Variants in MACROD2 observed in about 807,000 individuals in gnomAD.
The protein encoded by MACROD2 is mono-ADP ribosylhydrolase 2, also known as ADP-ribose glycohydrolase MACROD2.
In MACROD2, 36 loss-of-function variants were observed where a neutral mutation model predicts 70.4. The ratio of observed to expected loss-of-function variants is 0.51; its 90% CI spans 0.39 to 0.68. The LOEUF is 0.68. MACROD2 is among the 30% of genes least tolerant of loss of function. The pLI is 0.00. For missense variants in MACROD2, 496 were observed against 538.4 expected (o/e 0.92, Z 0.78); for synonymous variants, 172 against 178.8 (o/e 0.96, Z 0.30).
chr20:14,316,275 T>G (rs1298484352), intron 3 of MACROD2, among the ~76,000 whole-genome samples: 2 of 152,226 alleles, frequency 1.3e-5, no homozygotes, highest in African/African-American at 4.8e-5. Flanking sequence ...CAAGTCATCA[T>G]TCAGCATCAT....
intron 6 of MACROD2, among the ~76,000 whole-genome samples, chr20:15,282,964 T>C (rs1391315896): frequency 6.6e-6 from 1 of 152,168 alleles, no homozygotes; most frequent in Non-Finnish European, 1.5e-5. Context: ...TCAGGAAACT[T>C]ACAATCATGG....
intron 3 of MACROD2, among the ~76,000 whole-genome samples, chr20:14,218,583 T>C (rs543404300): frequency 6.6e-6 from 1 of 152,332 alleles, no homozygotes; most frequent in South Asian, 2.1e-4. Context: ...GGTTTTTTGT[T>C]TTTTTGTGTG....
At position 14,556,890 on chromosome 20, in the gene MACROD2, A is replaced by G. The variant is rs571534132; in HGVS notation, c.301+63382A>G. Reference sequence around the variant, plus strand: ...TTATTACTTTAAATTTAAATGATCTATGGAAATGCAAGGGACCCAGGATAG... The same window carrying G: ...TTATTACTTTAAATTTAAATGATCTGTGGAAATGCAAGGGACCCAGGATAG... On this transcript the variant is annotated intron_variant, in intron 4 of 17. Coordinates refer to ENST00000684519, the MANE Select transcript of MACROD2 (RefSeq NM_001351661.2). Among the ~76,000 whole-genome samples the G allele has an allele frequency of 5.9e-5, 9 of 152,116 alleles. No homozygotes were observed. In the South Asian group the frequency reaches 1.9e-3, roughly 31 times the overall value.
At chr20:15,687,318 G>A (rs1396294494) in intron 8 of MACROD2, among the ~76,000 whole-genome samples, 2 of 150,004 alleles carry the variant, frequency 1.3e-5, no homozygotes, top group East Asian at 1.9e-4. Context: ...TATATATATC[G>A]CATAGTGCTG....
At chr20:15,740,118 G>T (rs191731209) in intron 8 of MACROD2, among the ~76,000 whole-genome samples, 24 of 152,286 alleles carry the variant, frequency 1.6e-4, no homozygotes, top group Admixed American at 1.5e-3. Context: ...GCTATGACCA[G>T]CTGTCAGACA....
chr20:15,757,600 A>G (rs1331821176), intron 8 of MACROD2, among the ~76,000 whole-genome samples: 1 of 152,222 alleles, frequency 6.6e-6, no homozygotes, highest in Admixed American at 6.5e-5. Context: ...TTAAGCTACT[A>G]TAATAAAATA....
intron 3 of MACROD2, among the ~76,000 whole-genome samples, chr20:14,446,832 G>A (rs528668067): frequency 6.6e-6 from 1 of 152,186 alleles, no homozygotes; most frequent in African/African-American, 2.4e-5. Flanking sequence ...AAAGAAAATA[G>A]TATAAGCAGT....
At chr20:15,374,318 A>C (rs2045533194) in intron 6 of MACROD2, among the ~76,000 whole-genome samples, 1 of 151,938 alleles carries the variant, frequency 6.6e-6, no homozygotes, top group African/African-American at 2.4e-5. Context: ...ATGTAATTAC[A>C]CTTACATACA....
At chr20:14,158,816 T>C (rs1398331895) in intron 3 of MACROD2, among the ~76,000 whole-genome samples, 1 of 152,218 alleles carries the variant, frequency 6.6e-6, no homozygotes, top group Non-Finnish European at 1.5e-5. Context: ...CTATAGCCTT[T>C]TAATATATTT....
intron 5 of MACROD2, among the ~76,000 whole-genome samples, chr20:15,094,474 T>C (rs548009461): frequency 3.3e-5 from 5 of 152,204 alleles, no homozygotes; most frequent in African/African-American, 4.8e-5. Context: ...CTTAAATATG[T>C]CAAGCCTGTA....
chr20:15,605,790 G>A (rs891339758), intron 8 of MACROD2, among the ~76,000 whole-genome samples: 2 of 152,078 alleles, frequency 1.3e-5, no homozygotes, highest in Admixed American at 6.6e-5. Context: ...CTAGAGCCTC[G>A]TGAAACTCAC....
chr20:16,001,973 C>T (rs900721594), intron 15 of MACROD2, among the ~76,000 whole-genome samples: 19 of 151,144 alleles, frequency 1.3e-4, no homozygotes, highest in South Asian at 2.1e-4. Flanking sequence ...CTAAAACTTG[C>T]GTAACATCTA....
intron 2 of MACROD2, among the ~76,000 whole-genome samples, chr20:14,084,085 A>AAAC (rs1569151551): frequency 6.7e-6 from 1 of 148,298 alleles, no homozygotes. Context: ...AAACAAACAA[A>AAAC]AAAAAACCTT....
At chr20:15,198,018 A>G (rs907630678) in intron 5 of MACROD2, among the ~76,000 whole-genome samples, 3 of 142,656 alleles carry the variant, frequency 2.1e-5, no homozygotes, top group South Asian at 4.5e-4. Context: ...CTGGAGTGCA[A>G]TGGTTCAGTC....
chr20:14,258,372 C>A (rs979998831), intron 3 of MACROD2, among the ~76,000 whole-genome samples: 4 of 140,528 alleles, frequency 2.8e-5, no homozygotes, highest in Non-Finnish European at 6.0e-5. Flanking sequence ...TTCACCACAT[C>A]CTTGCCAACA....
chr20:15,225,717 A>G (rs913487149), intron 5 of MACROD2, among the ~76,000 whole-genome samples: 3 of 152,216 alleles, frequency 2.0e-5, no homozygotes, highest in African/African-American at 7.2e-5. Flanking sequence ...ACAGAAGCCT[A>G]GCATTTCATA....
At chr20:15,327,016 G>T (rs1238131172) in intron 6 of MACROD2, among the ~76,000 whole-genome samples, 1 of 152,140 alleles carries the variant, frequency 6.6e-6, no homozygotes, top group African/African-American at 2.4e-5. Flanking sequence ...AGATTAATAA[G>T]AGAAATGTGT....
At chr20:14,999,265 T>C (rs933875514) in intron 5 of MACROD2, among the ~76,000 whole-genome samples, 1 of 152,196 alleles carries the variant, frequency 6.6e-6, no homozygotes, top group Non-Finnish European at 1.5e-5. Context: ...TTGTGGTGTG[T>C]AATGGTGTGT....
chr20:14,962,606 G>A (rs1379445082), intron 5 of MACROD2, among the ~76,000 whole-genome samples: 1 of 150,722 alleles, frequency 6.6e-6, no homozygotes, highest in Non-Finnish European at 1.5e-5. Flanking sequence ...GAAATACCAA[G>A]CAAATAAAAG....
Sources: allele counts gnomAD v4.1 joint callset (sites outside exome capture counted in the v4.1 genomes callset), GRCh38; gene constraint gnomAD v4.1.1; transcripts MANE v1.5; gene names NCBI Gene and HGNC (gene_info 2026-07-23, HGNC 2026-07-21).